UTP20: variants seen among roughly 807,000 people sequenced by gnomAD.
UTP20 encodes the protein UTP20 small subunit processome component.
Under a neutral mutation model 329.5 loss-of-function variants are expected in UTP20, and 164 were observed. The ratio of observed to expected loss-of-function variants is 0.50; its 90% CI spans 0.44 to 0.57. The LOEUF is 0.57. UTP20 is among the 20% of genes least tolerant of loss of function. The pLI, the probability that UTP20 is intolerant of heterozygous loss-of-function variation, is 0.00. For synonymous variants in UTP20, 1,151 were observed against 1,159.3 expected (o/e 0.99, Z 0.14); for missense variants, 3,055 against 3,284.2 (o/e 0.93, Z 1.71).
At chr12:101,368,004 G>T in intron 48 of UTP20, 28 bp downstream of exon 48, 1 of 1,452,266 alleles carries the variant, frequency 6.9e-7, no homozygotes, top group South Asian at 1.1e-5. Flanking sequence ...CTCTGCATTG[G>T]AGCATTTATT....
In UTP20 at chr12:101,382,852, T is replaced by TAAAAAAAAA. The variant is rs541190674; in HGVS notation, c.7657-181_7657-173dup. ...GGGTAACAGAGTGAGGCTCTGTCTT[T>TAAAAAAAAA]AAAAAAAAAAAAAAAAGGAATATCT... On this transcript the variant is annotated intron_variant, in intron 58 of 61. Transcript: ENST00000261637. Among the ~76,000 whole-genome samples the TAAAAAAAAA allele has an allele frequency of 1.5e-4, 20 of 133,530 alleles. No individual in the cohort carries two copies. In the East Asian group the frequency reaches 2.7e-3, roughly 18 times the overall value. 87.6% of individuals were successfully genotyped at this position (133,530 alleles called of 152,430 possible).
intron 22 of UTP20, 129 bp from the exon 23 acceptor site, chr12:101,319,416 G>A: frequency 1.6e-6 from 1 of 634,228 alleles, no homozygotes; most frequent in Non-Finnish European, 2.6e-6. Context: ...ACTAAGCCTT[G>A]TTTATATAAT....
At chr12:101,294,104 C>T (rs563652809) in intron 11 of UTP20, among the ~76,000 whole-genome samples, 248 of 151,890 alleles carry the variant, frequency 1.6e-3, no homozygotes, top group African/African-American at 5.8e-3. Context: ...GGCATGATCT[C>T]GGCTCACTGC....
chr12:101,310,577 C>CAAAAAAAAAAAAAAAAAAAAAAAAAA (rs549641642), intron 19 of UTP20, among the ~76,000 whole-genome samples: 1 of 44,364 alleles, frequency 2.3e-5, no homozygotes. Context: ...CTCTGTCTCC[C>CAAAAAAAAAAAAAAAAAAAAAAAAAA]AAAAAAAAAA....
At position 101,376,522 on chromosome 12, in the gene UTP20, C is replaced by T. The variant is rs188256108; in HGVS notation, c.7396+766C>T. ...TACTGTACTGAATACTGTAGGCATT[C>T]GTAACAGGGTCATTGTGAATCTAAA... is the stretch of plus-strand genomic sequence containing the variant. On this transcript the variant is annotated intron_variant, in intron 56 of 61. Coordinates refer to ENST00000261637, the MANE Select transcript of UTP20 (RefSeq NM_014503.3). Among the ~76,000 whole-genome samples, 278 of 151,920 alleles carry T rather than the reference C, an allele frequency of 1.8e-3. 1 individual carries two copies. The highest frequency in any genetic ancestry group is 6.1e-3 in the African/African-American group (254 of 41,422).
chr12:101,299,900 A>C, intron 13 of UTP20, 63 bp downstream of exon 13: 1 of 1,606,824 alleles, frequency 6.2e-7, no homozygotes, highest in South Asian at 1.1e-5. Flanking sequence ...TATGTTAGCC[A>C]TTCCTTGCTG....
At chr12:101,328,566 A>G (rs1251267035) in intron 26 of UTP20, among the ~76,000 whole-genome samples, 1 of 152,200 alleles carries the variant, frequency 6.6e-6, no homozygotes, top group Non-Finnish European at 1.5e-5. Flanking sequence ...AGAAAAGTGT[A>G]TAGAAAGTTA....
Position 101,308,345 on chromosome 12 carries a change from T to TA in UTP20, c.2154+7dup. On this transcript the variant is annotated splice_region_variant and intron_variant, in intron 18 of 61. Coordinates refer to ENST00000261637, the MANE Select transcript of UTP20 (RefSeq NM_014503.3). The stretch of plus-strand genomic sequence containing the variant: ...GTCCCTGATGGGCCGTTACAGGAGG[T>TA]AAAAATAGTGTTCTTTTATTTTTCC... The TA allele has an allele frequency of 6.8e-7, 1 of 1,471,696 alleles. No individual in the cohort carries two copies. 91.2% of individuals were successfully genotyped at this position (1,471,696 alleles called of 1,614,324 possible). A position where few individuals can be genotyped will look rare whatever the true frequency, so the allele number is the denominator to read the frequency against.
At chr12:101,318,100 C>T (rs1394361972) in intron 22 of UTP20, among the ~76,000 whole-genome samples, 4 of 152,180 alleles carry the variant, frequency 2.6e-5, no homozygotes, top group Non-Finnish European at 5.9e-5. Flanking sequence ...CCCCACCATC[C>T]TGTTAGCACT....
rs1330692306 is a variant in UTP20 at position 101,310,595 on chromosome 12, A to AAAAAAAAAAAAAAAAAAAAAAAAAG, written c.2231+759_2231+760insAAAAAAAAAAAAAAAAAAAAAGAAA. ...TGTCTCCCAAAAAAAAAAAAAAAAAAAAATACATGTTATGGCTCATGTGTA... is the reference window on the plus strand; with the variant it reads ...TGTCTCCCAAAAAAAAAAAAAAAAAAAAAAAAAAAAAAAAAAAAAAAAAAGAAATACATGTTATGGCTCATGTGTA... On this transcript the variant is annotated intron_variant, in intron 19 of 61. Coordinates refer to ENST00000261637, the MANE Select transcript of UTP20 (RefSeq NM_014503.3). 2.8e-4 allele frequency among the ~76,000 whole-genome samples: 34 copies of AAAAAAAAAAAAAAAAAAAAAAAAAG among 121,748 alleles called. 1 individual carries two copies. Among genetic ancestry groups the AAAAAAAAAAAAAAAAAAAAAAAAAG allele is most frequent in the African/African-American group, 5.0e-4 (19 of 38,334 alleles). 79.9% of individuals were successfully genotyped at this position (121,748 alleles called of 152,430 possible).
At chr12:101,320,372 A>G (rs561991888) in intron 23 of UTP20, among the ~76,000 whole-genome samples, 1 of 152,192 alleles carries the variant, frequency 6.6e-6, no homozygotes, top group South Asian at 2.1e-4. Flanking sequence ...CCTGGGTAAC[A>G]TGGTGAAACT....
In UTP20 at chr12:101,306,757, T is replaced by A; in HGVS notation, c.1991T>A (p.Met664Lys). ...NHFDVQLPES[M>K]EDDGLSERQS... Reference sequence around the variant, plus strand: ...TTTGATGTCCAGCTTCCAGAATCAATGGAGGTATTTTAACTGTTTGAGTGG... The same window carrying A: ...TTTGATGTCCAGCTTCCAGAATCAAAGGAGGTATTTTAACTGTTTGAGTGG... Residue 664 changes from methionine to lysine, a missense_variant, in exon 17 of 62, where the codon ATG becomes AAG. Met to Lys is a moderately conservative substitution (Grantham distance 95). Transcript: ENST00000261637. 1 of 1,604,764 alleles carries A rather than the reference T, an allele frequency of 6.2e-7. No individual in the cohort carries two copies. Among genetic ancestry groups the A allele is most frequent in the Non-Finnish European group, 8.5e-7 (1 of 1,175,056 alleles).
intron 25 of UTP20, among the ~76,000 whole-genome samples, chr12:101,323,154 T>C (rs1868429401): frequency 6.6e-6 from 1 of 152,212 alleles, no homozygotes; most frequent in African/African-American, 2.4e-5. Flanking sequence ...AGAATTTTCT[T>C]AGATCATGAA....
intron 11 of UTP20, among the ~76,000 whole-genome samples, chr12:101,294,942 A>G (rs1252867148): frequency 6.6e-6 from 1 of 152,202 alleles, no homozygotes; most frequent in Admixed American, 6.5e-5. Flanking sequence ...GCAGCTTTAT[A>G]AATGTCCTTC....
Position 101,383,190 on chromosome 12 carries a change from C to T in UTP20, c.7806C>T (p.Asp2602=), listed in dbSNP as rs369203212. 4.8e-5 allele frequency: 78 copies of T among 1,613,842 alleles called. No homozygotes were observed. Among genetic ancestry groups the T allele is most frequent in the South Asian group, 5.5e-5 (5 of 91,070 alleles). Residue 2602 remains aspartate, a synonymous_variant, in exon 59 of 62, where the codon GAC becomes GAT. Coordinates refer to ENST00000261637, the MANE Select transcript of UTP20 (RefSeq NM_014503.3). ...VACADEKAES[D]GEEKEEVKEE... ...GTGCAGATGAGAAGGCGGAGTCTGA[C>T]GGAGAAGAGAAGGAAGAGGTGAAGG...
chr12:101,318,057 T>A (rs1347716878), intron 22 of UTP20, among the ~76,000 whole-genome samples: 1 of 152,196 alleles, frequency 6.6e-6, no homozygotes, highest in Admixed American at 6.5e-5. Flanking sequence ...AAAATAAGCA[T>A]GTTAGCAATT....
chr12:101,375,254 C>G (rs1870433698), intron 55 of UTP20, among the ~76,000 whole-genome samples: 1 of 147,642 alleles, frequency 6.8e-6, no homozygotes, highest in Non-Finnish European at 1.5e-5. Flanking sequence ...GAGCAAGACC[C>G]TGACTCAAAA....
At chr12:101,384,031 T>C (rs895088574) in intron 60 of UTP20, among the ~76,000 whole-genome samples, 2 of 151,930 alleles carry the variant, frequency 1.3e-5, no homozygotes, top group African/African-American at 4.8e-5. Context: ...AGAAAACTTA[T>C]ATCAAGATAA....
rs981816049 is a variant in UTP20, at chr12:101,385,457, T to G, written c.8057-126T>G. Reference sequence around the variant, plus strand: ...CTGCAAGAGTTGAAATTTTGTTTTGTTTTATTTGGGGTTTCTTGCCAGATC... The same window carrying G: ...CTGCAAGAGTTGAAATTTTGTTTTGGTTTATTTGGGGTTTCTTGCCAGATC... On this transcript the variant is annotated intron_variant, in intron 60 of 61. Coordinates refer to ENST00000261637, the MANE Select transcript of UTP20 (RefSeq NM_014503.3). 4 of 1,184,344 alleles carry G rather than the reference T, an allele frequency of 3.4e-6. No homozygotes were observed. The African/African-American group carries it at 4.6e-5, about 14-fold the overall frequency. The allele number at this position is 1,184,344 out of a possible 1,614,324, so 73.4% of individuals were successfully genotyped here.
Sources: gnomAD v4.1 joint callset for allele counts (sites outside exome capture counted in the v4.1 genomes callset) on GRCh38, gnomAD v4.1.1 for gene constraint, MANE v1.5 for transcripts, NCBI Gene and HGNC (gene_info 2026-07-23, HGNC 2026-07-21) for gene names.